The following MAST4 variants were observed in gnomAD, a reference collection of about 807,000 sequenced individuals.
MAST4 encodes the protein microtubule associated serine/threonine kinase family member 4.
MAST4 carries 89 observed loss-of-function variants against 162.7 expected under a neutral mutation model. The observed-to-expected ratio is 0.55, with a 90% CI of 0.46 to 0.65. The LOEUF (loss-of-function observed/expected upper bound fraction) is 0.65. Ranked by LOEUF, MAST4 falls within the 30% of genes least tolerant of loss-of-function variation. The pLI is 0.00. For synonymous variants in MAST4, 1,479 were observed against 1,361.1 expected, an observed-to-expected ratio of 1.09 and a Z score of -1.91; for missense variants, 3,153 against 3,374.0, an observed-to-expected ratio of 0.93 and a Z score of 1.62.
intron 1 of MAST4, among the ~76,000 whole-genome samples, chr5:66,599,386 C>T (rs562162396): frequency 1.3e-5 from 2 of 152,228 alleles, no homozygotes; most frequent in East Asian, 1.9e-4. Flanking sequence ...AGTGGAAAGA[C>T]GTGGGTTTGA....
chr5:66,838,395 G>A (rs1758179838), intron 3 of MAST4, among the ~76,000 whole-genome samples: 1 of 152,122 alleles, frequency 6.6e-6, no homozygotes. Context: ...TTCAATAAAT[G>A]TTTAATGATA....
intron 4 of MAST4, among the ~76,000 whole-genome samples, chr5:66,917,607 T>TC (rs1554068095): frequency 6.8e-5 from 5 of 73,702 alleles, no homozygotes; most frequent in South Asian, 3.5e-4. Context: ...TTTTTTTTTT[T>TC]CCCTAGATGG....
chr5:66,620,981 G>A (rs2149406866), intron 1 of MAST4, among the ~76,000 whole-genome samples: 1 of 152,160 alleles, frequency 6.6e-6, no homozygotes, highest in African/African-American at 2.4e-5. Context: ...TGACACAGCA[G>A]TTAAGTCAGA....
At chr5:67,026,399 T>C (rs930369276) in intron 4 of MAST4, among the ~76,000 whole-genome samples, 1 of 152,226 alleles carries the variant, frequency 6.6e-6, no homozygotes, top group Non-Finnish European at 1.5e-5. Flanking sequence ...GCTGCATAAA[T>C]GCCCCTGTGT....
intron 7 of MAST4, 73 bp downstream of exon 7, chr5:67,095,748 C>A: frequency 8.8e-7 from 1 of 1,140,868 alleles, no homozygotes; most frequent in Non-Finnish European, 1.2e-6. Flanking sequence ...AGTGTTTTCT[C>A]TGGGTGTTTC....
chr5:66,904,681 C>A (rs1438625938), intron 4 of MAST4, among the ~76,000 whole-genome samples: 1 of 147,296 alleles, frequency 6.8e-6, no homozygotes, highest in Admixed American at 6.9e-5. Flanking sequence ...TGCTTGCTTG[C>A]TTGATTGATG....
chr5:67,025,223 A>G (rs1268618088), intron 4 of MAST4, among the ~76,000 whole-genome samples: 2 of 152,168 alleles, frequency 1.3e-5, no homozygotes, highest in African/African-American at 2.4e-5. Context: ...AACACATTAA[A>G]ATATTTGTGA....
chr5:66,941,752 G>A (rs1743395167), intron 4 of MAST4, among the ~76,000 whole-genome samples: 1 of 152,044 alleles, frequency 6.6e-6, no homozygotes, highest in South Asian at 2.1e-4. Flanking sequence ...AAACATAATC[G>A]TTTTTAGCTT....
intron 4 of MAST4, among the ~76,000 whole-genome samples, chr5:66,926,610 A>G (rs867821331): frequency 2.6e-5 from 4 of 151,724 alleles, no homozygotes; most frequent in Middle Eastern, 3.4e-3. Context: ...ATATGTATGT[A>G]TATGTATATA....
intron 4 of MAST4, among the ~76,000 whole-genome samples, chr5:67,032,378 C>T (rs1322341401): frequency 1.3e-5 from 2 of 152,160 alleles, no homozygotes; most frequent in Non-Finnish European, 2.9e-5. Context: ...TATCTTTTCT[C>T]ATTTTTATTG....
intron 4 of MAST4, among the ~76,000 whole-genome samples, chr5:67,042,401 C>T (rs1293961862): frequency 6.6e-6 from 1 of 152,200 alleles, no homozygotes; most frequent in African/African-American, 2.4e-5. Flanking sequence ...AGAATTGGTT[C>T]CTTGTGGCCA....
chr5:67,083,462 C>T (rs529353387), intron 5 of MAST4, among the ~76,000 whole-genome samples: 6 of 152,150 alleles, frequency 3.9e-5, no homozygotes, highest in Admixed American at 3.9e-4. Flanking sequence ...ATATGTGTTT[C>T]ATTTAAATAC....
At chr5:66,832,469 A>G (rs1050918402) in intron 3 of MAST4, among the ~76,000 whole-genome samples, 41 of 152,150 alleles carry the variant, frequency 2.7e-4, no homozygotes, top group African/African-American at 9.9e-4. Context: ...AAACAACAAC[A>G]AAAAGATAAC....
chr5:66,622,997 A>T (rs1323318615), intron 1 of MAST4: 1 of 152,228 alleles, frequency 6.6e-6, no homozygotes, highest in Non-Finnish European at 1.5e-5. Flanking sequence ...GTCTGTTGCT[A>T]AGTTATGGAC....
intron 3 of MAST4, among the ~76,000 whole-genome samples, chr5:66,869,390 G>T (rs1022624320): frequency 5.9e-5 from 9 of 152,122 alleles, no homozygotes; most frequent in Admixed American, 2.0e-4. Flanking sequence ...AATGGTCAGT[G>T]GGTCAACGGA....
chr5:66,906,761 AT>A (rs1246885188), intron 4 of MAST4, among the ~76,000 whole-genome samples: 1 of 152,216 alleles, frequency 6.6e-6, no homozygotes, highest in African/African-American at 2.4e-5. Context: ...ATTGAGAACC[AT>A]TTTACCATAT....
intron 5 of MAST4, among the ~76,000 whole-genome samples, chr5:67,086,235 T>G (rs1388899844): frequency 6.6e-6 from 1 of 152,204 alleles, no homozygotes; most frequent in East Asian, 1.9e-4. Flanking sequence ...TATCAGAAAC[T>G]ATCATTTCAC....
chr5:66,727,127 G>A lies in MAST4; in HGVS notation c.364-32582G>A, dbSNP rs570786506. On this transcript the variant is annotated intron_variant, in intron 1 of 28. Transcript: ENST00000403625. ...TTGGTGGTTGCATGTAAGGGATGAA[G>A]ATGAAGAAGAGTCAAGTATGTTTTA... 1.1e-4 allele frequency among the ~76,000 whole-genome samples: 16 copies of A among 152,142 alleles called. No individual in the cohort carries two copies. The South Asian group carries it at 2.9e-3, about 28-fold the overall frequency.
chr5:66,895,694 T>A (rs1762640901), intron 3 of MAST4, among the ~76,000 whole-genome samples: 1 of 152,158 alleles, frequency 6.6e-6, no homozygotes, highest in African/African-American at 2.4e-5. Context: ...ACCTACAGTA[T>A]TTCTATAGCT....
Sources: allele counts gnomAD v4.1 joint callset (sites outside exome capture counted in the v4.1 genomes callset), GRCh38; gene constraint gnomAD v4.1.1; transcripts MANE v1.5; gene names NCBI Gene and HGNC (gene_info 2026-07-23, HGNC 2026-07-21).